The following DPYD variants were observed in gnomAD, a reference collection of about 807,000 sequenced individuals.
The protein encoded by DPYD is dihydropyrimidine dehydrogenase [NADP(+)].
Under a neutral mutation model 116.2 loss-of-function variants are expected in DPYD, and 109 were observed. The observed-to-expected ratio is 0.94, with a 90% CI of 0.80 to 1.10. The LOEUF is 1.10. Ranked by LOEUF, DPYD falls within the 50% of genes least tolerant of loss-of-function variation. The probability of loss-of-function intolerance (pLI) is 0.00; values close to 1 mark genes in which losing one functional copy is unlikely to be tolerated. For synonymous variants in DPYD, 440 were observed against 432.0 expected (o/e 1.02, Z -0.23); for missense variants, 1,302 against 1,254.5 (o/e 1.04, Z -0.57).
intron 8 of DPYD, among the ~76,000 whole-genome samples, chr1:97,648,298 G>C (rs2100835693): frequency 6.6e-6 from 1 of 152,084 alleles, no homozygotes; most frequent in Non-Finnish European, 1.5e-5. Flanking sequence ...GGGGCTTAGA[G>C]TAAATGTCTA....
chr1:97,320,239 C>T (rs1369227568), intron 16 of DPYD, among the ~76,000 whole-genome samples: 9 of 142,778 alleles, frequency 6.3e-5, no homozygotes, highest in East Asian at 2.1e-4. Flanking sequence ...CCAGGGCAAT[C>T]AGGCAGGAGA....
At chr1:97,225,817 G>T (rs1434101662) in intron 19 of DPYD, among the ~76,000 whole-genome samples, 1 of 151,816 alleles carries the variant, frequency 6.6e-6, no homozygotes, top group African/African-American at 2.4e-5. Context: ...CTTTTCCCCT[G>T]TGTTTTCTTC....
intron 16 of DPYD, among the ~76,000 whole-genome samples, chr1:97,325,855 G>A (rs781612546): frequency 1.3e-5 from 2 of 151,862 alleles, no homozygotes; most frequent in African/African-American, 4.8e-5. Context: ...AAGGAAACTA[G>A]TGCATATGAA....
At chr1:97,615,416 C>G (rs1330142741) in intron 8 of DPYD, among the ~76,000 whole-genome samples, 2 of 152,208 alleles carry the variant, frequency 1.3e-5, no homozygotes, top group East Asian at 3.9e-4. Context: ...TTCTGACCTT[C>G]ATGTAAAACA....
At chr1:97,207,755 T>C (rs1394265947) in intron 19 of DPYD, among the ~76,000 whole-genome samples, 4 of 152,166 alleles carry the variant, frequency 2.6e-5, no homozygotes, top group Non-Finnish European at 5.9e-5. Flanking sequence ...AAAGGTCTTC[T>C]ATCTTGTTTT....
At chr1:97,498,154 C>T (rs965266146) in intron 13 of DPYD, among the ~76,000 whole-genome samples, 1 of 151,546 alleles carries the variant, frequency 6.6e-6, no homozygotes, top group Non-Finnish European at 1.5e-5. Context: ...ATTCCAGAGG[C>T]TGCGGGATGT....
chr1:97,786,866 A>T (rs1667066069), intron 3 of DPYD, among the ~76,000 whole-genome samples: 1 of 152,230 alleles, frequency 6.6e-6, no homozygotes, highest in South Asian at 2.1e-4. Flanking sequence ...ATTTGGGTGG[A>T]AATAAAAAGC....
chr1:97,281,987 T>C (rs1048071371), intron 18 of DPYD, among the ~76,000 whole-genome samples: 1 of 152,128 alleles, frequency 6.6e-6, no homozygotes, highest in Non-Finnish European at 1.5e-5. Context: ...ACATAAGTTA[T>C]TGGCTTTTTT....
intron 8 of DPYD, among the ~76,000 whole-genome samples, chr1:97,637,262 A>C (rs879350272): frequency 1.3e-5 from 2 of 152,044 alleles, no homozygotes; most frequent in African/African-American, 2.4e-5. Context: ...GTTCTCCTCA[A>C]AACCAATTTG....
intron 16 of DPYD, among the ~76,000 whole-genome samples, chr1:97,360,951 G>C (rs887154748): frequency 6.6e-6 from 1 of 152,068 alleles, no homozygotes; most frequent in Non-Finnish European, 1.5e-5. Context: ...AAATAACTAA[G>C]ATCAGAGCAG....
intron 2 of DPYD, among the ~76,000 whole-genome samples, chr1:97,838,145 G>A (rs1415646064): frequency 2.6e-5 from 4 of 152,132 alleles, no homozygotes; most frequent in Non-Finnish European, 5.9e-5. Context: ...CAGTAATCAT[G>A]TTAAAAACAA....
intron 18 of DPYD, among the ~76,000 whole-genome samples, chr1:97,246,859 C>T (rs978793218): frequency 9.9e-5 from 15 of 151,808 alleles, no homozygotes; most frequent in Non-Finnish European, 2.2e-4. Context: ...AATAATATTC[C>T]TATTTTAATA....
chr1:97,635,080 T>A (rs1657486428), intron 8 of DPYD, among the ~76,000 whole-genome samples: 1 of 151,974 alleles, frequency 6.6e-6, no homozygotes. Context: ...TTGAGAGTGA[T>A]GCCTCTGAAG....
chr1:97,233,991 A>G (rs1327383853), intron 19 of DPYD, among the ~76,000 whole-genome samples: 1 of 152,216 alleles, frequency 6.6e-6, no homozygotes, highest in Non-Finnish European at 1.5e-5. Flanking sequence ...AGTTAGCAAC[A>G]TGAACTATTT....
chr1:97,326,715 GTAGTTA>G (rs1668722976), intron 16 of DPYD, among the ~76,000 whole-genome samples: 3 of 151,978 alleles, frequency 2.0e-5, no homozygotes, highest in African/African-American at 7.2e-5. Flanking sequence ...TTATGGGAAT[GTAGTTA>G]TAGACACCTA....
intron 13 of DPYD, among the ~76,000 whole-genome samples, chr1:97,484,040 C>T (rs1188365654): frequency 6.6e-6 from 1 of 152,194 alleles, no homozygotes; most frequent in Non-Finnish European, 1.5e-5. Context: ...TCCCATGGCT[C>T]ACGTCTGTAA....
intron 14 of DPYD, among the ~76,000 whole-genome samples, chr1:97,412,490 G>A (rs1674061034): frequency 6.6e-6 from 1 of 152,134 alleles, no homozygotes; most frequent in Non-Finnish European, 1.5e-5. Context: ...TCAAAATGAA[G>A]TAACTTTATG....
At chr1:97,116,503 C>T (rs528387033) in intron 20 of DPYD, among the ~76,000 whole-genome samples, 152 of 151,766 alleles carry the variant, frequency 1.0e-3, no homozygotes, top group African/African-American at 3.6e-3. Flanking sequence ...TGAAACCTGT[C>T]TCTACAAAAA....
At chr1:97,574,133 G>A (rs572380658) in intron 10 of DPYD, among the ~76,000 whole-genome samples, 163 bp from the exon 11 acceptor site, 1 of 152,188 alleles carries the variant, frequency 6.6e-6, no homozygotes, top group East Asian at 1.9e-4. Context: ...TTTGCATTTT[G>A]TAAATCACTG....
Sources: allele counts gnomAD v4.1 joint callset (sites outside exome capture counted in the v4.1 genomes callset), GRCh38; gene constraint gnomAD v4.1.1; transcripts MANE v1.5; gene names NCBI Gene and HGNC (gene_info 2026-07-23, HGNC 2026-07-21).